Variants in MFF observed in about 807,000 individuals in gnomAD.
The protein encoded by MFF is mitochondrial fission factor.
A neutral mutation model predicts 36.9 loss-of-function variants in MFF; 12 were observed. The ratio of observed to expected loss-of-function variants is 0.33; its 90% CI spans 0.21 to 0.53. The LOEUF (loss-of-function observed/expected upper bound fraction) is 0.53, where lower values mean the gene tolerates loss of function less well. MFF is among the 20% of genes least tolerant of loss of function. The probability of loss-of-function intolerance (pLI) is 0.95; values close to 1 mark genes in which losing one functional copy is unlikely to be tolerated. For synonymous variants in MFF, 99 were observed against 126.2 expected, an observed-to-expected ratio of 0.78 and a Z score of 1.44; for missense variants, 348 against 366.6, an observed-to-expected ratio of 0.95 and a Z score of 0.42.
intron 4 of MFF, among the ~76,000 whole-genome samples, chr2:227,339,645 T>C (rs6740494): frequency 0.1 from 15,169 of 152,288 alleles, 1,214 homozygotes; most frequent in African/African-American, 0.21. Context: ...TGTACTGTTA[T>C]GACCTAGCCT....
intron 6 of MFF, among the ~76,000 whole-genome samples, chr2:227,347,962 A>G (rs1288853902): frequency 6.6e-6 from 1 of 152,164 alleles, no homozygotes; most frequent in African/African-American, 2.4e-5. Flanking sequence ...TAAAATCATC[A>G]GTAGTATACT....
At chr2:227,330,110 C>CT (rs1400231031) in intron 2 of MFF, 1 of 203,310 alleles carries the variant, frequency 4.9e-6, no homozygotes, top group East Asian at 1.1e-4. Context: ...GTTGCATCTT[C>CT]TTTTTTAGTA....
At chr2:227,330,532 C>A (rs546594483) in intron 2 of MFF, 94 bp from the exon 3 acceptor site, 20 of 767,228 alleles carry the variant, frequency 2.6e-5, no homozygotes, top group Middle Eastern at 4.0e-4. Context: ...AGTTTCCTTT[C>A]GCTCTTTCTA....
chr2:227,348,421 T>G (rs2075822483), intron 6 of MFF, among the ~76,000 whole-genome samples: 1 of 152,134 alleles, frequency 6.6e-6, no homozygotes, highest in Non-Finnish European at 1.5e-5. Context: ...CCTAGTGCTA[T>G]GCATTTGGGC....
chr2:227,333,168 T>C (rs2074726909), intron 4 of MFF, among the ~76,000 whole-genome samples: 1 of 152,248 alleles, frequency 6.6e-6, no homozygotes, highest in Non-Finnish European at 1.5e-5. Flanking sequence ...TTACATCTTT[T>C]TCATATAGCT....
At chr2:227,328,312 AAAAAAAAAC>A (rs1210208962) in intron 1 of MFF, among the ~76,000 whole-genome samples, 75 of 148,056 alleles carry the variant, frequency 5.1e-4, no homozygotes, top group Non-Finnish European at 9.1e-4. Context: ...AAAAAAAAAA[AAAAAAAAAC>A]CAATTCATTT....
rs573410087 is a variant in MFF at position 227,343,509 on chromosome 2, T to C, written c.440+3129T>C. Among the ~76,000 whole-genome samples the C allele has an allele frequency of 3.9e-5, 6 of 152,280 alleles. No individual in the cohort carries two copies. The South Asian group carries it at 1.2e-3, about 32-fold the overall frequency. On this transcript the variant is annotated intron_variant, in intron 5 of 8. Coordinates refer to ENST00000304593, the MANE Select transcript of MFF (RefSeq NM_001277062.2). ...CCAGGAACTATTCAGTTGCCATAGA[T>C]AGTGGCAATATATTAAAATTTCCTC...
chr2:227,326,893 T>C (rs2106327418), intron 1 of MFF, among the ~76,000 whole-genome samples: 1 of 152,312 alleles, frequency 6.6e-6, no homozygotes, highest in South Asian at 2.1e-4. Flanking sequence ...TTCCGAGGCT[T>C]TCTGGGTTCC....
chr2:227,356,873 T>G (rs369580961), intron 8 of MFF, 113 bp from the exon 9 acceptor site: 1 of 832,802 alleles, frequency 1.2e-6, no homozygotes, highest in African/African-American at 1.7e-5. Flanking sequence ...TTTCCATGTT[T>G]GTAATAATAC....
At chr2:227,338,261 C>T (rs75341397) in intron 4 of MFF, among the ~76,000 whole-genome samples, 15,086 of 150,952 alleles carry the variant, frequency 0.1, 1,206 homozygotes, top group African/African-American at 0.21. Flanking sequence ...CCCAGCTACT[C>T]GGGAGGGTGA....
At chr2:227,344,723 A>G (rs931878686) in intron 5 of MFF, among the ~76,000 whole-genome samples, 1 of 4,780 alleles carries the variant, frequency 2.1e-4, no homozygotes, top group African/African-American at 2.9e-4. Flanking sequence ...GTAGTCATCA[A>G]TTAAAAAAAA....
chr2:227,340,091 G>GGTGT (rs112978620), intron 4 of MFF, among the ~76,000 whole-genome samples: 149 of 150,996 alleles, frequency 9.9e-4, no homozygotes, highest in South Asian at 3.1e-3. Context: ...TAGTAAGTAG[G>GGTGT]GTGTGTGTGT....
intron 4 of MFF, among the ~76,000 whole-genome samples, 180 bp downstream of exon 4, chr2:227,332,768 G>A (rs1038008626): frequency 6.6e-6 from 1 of 152,120 alleles, no homozygotes; most frequent in Admixed American, 6.5e-5. Flanking sequence ...TTTAAAATTT[G>A]AATATTATGT....
Position 227,338,745 on chromosome 2 carries a change from G to A in MFF, c.352-1547G>A, listed in dbSNP as rs1036569658. ...CTCAGGATGCCGAGGCAGGAGAATTGCTTGAACCCGGGAGGCAGAGTTTGC... is the reference window on the plus strand; with the variant it reads ...CTCAGGATGCCGAGGCAGGAGAATTACTTGAACCCGGGAGGCAGAGTTTGC... On this transcript the variant is annotated intron_variant, in intron 4 of 8. Transcript: ENST00000304593. 4.0e-5 allele frequency among the ~76,000 whole-genome samples: 6 copies of A among 151,724 alleles called. No individual in the cohort carries two copies. The East Asian group carries it at 1.2e-3, about 30-fold the overall frequency.
At chr2:227,327,191 A>G (rs1383647827) in intron 1 of MFF, among the ~76,000 whole-genome samples, 3 of 152,138 alleles carry the variant, frequency 2.0e-5, no homozygotes, top group Non-Finnish European at 4.4e-5. Flanking sequence ...AAAAAAACCC[A>G]TGAAGTTGGC....
At chr2:227,336,003 G>A (rs777807613) in intron 4 of MFF, among the ~76,000 whole-genome samples, 2 of 152,220 alleles carry the variant, frequency 1.3e-5, no homozygotes, top group African/African-American at 2.4e-5. Context: ...TGTTCCTACA[G>A]TAGACTAGGC....
At chr2:227,346,981 A>C in intron 5 of MFF, 43 of 290,076 alleles carry the variant, frequency 1.5e-4, no homozygotes, top group East Asian at 3.1e-4. Context: ...CCCTCTCTAC[A>C]GTTCTTTCAT....
At chr2:227,350,273 G>T (rs2075924808) in intron 6 of MFF, among the ~76,000 whole-genome samples, 1 of 151,988 alleles carries the variant, frequency 6.6e-6, no homozygotes. Flanking sequence ...TTATGATTTG[G>T]TCCTTAACTG....
chr2:227,335,596 A>T (rs1319014064), intron 4 of MFF, among the ~76,000 whole-genome samples: 1 of 152,228 alleles, frequency 6.6e-6, no homozygotes, highest in Non-Finnish European at 1.5e-5. Context: ...ACTGAAAACC[A>T]CTGACCTATC....
Sources: allele counts gnomAD v4.1 joint callset (sites outside exome capture counted in the v4.1 genomes callset), GRCh38; gene constraint gnomAD v4.1.1; transcripts MANE v1.5; gene names NCBI Gene and HGNC (gene_info 2026-07-23, HGNC 2026-07-21).